The following AKAP6 variants were observed in gnomAD, a reference collection of about 807,000 sequenced individuals.
The protein encoded by AKAP6 is A-kinase anchor protein 6.
A neutral mutation model predicts 188.5 loss-of-function variants in AKAP6; 58 were observed. The observed-to-expected ratio is 0.31, with a 90% CI of 0.25 to 0.38. The LOEUF (loss-of-function observed/expected upper bound fraction) is 0.38, where lower values mean the gene tolerates loss of function less well. AKAP6 is among the 10% of genes least tolerant of loss of function. The probability of loss-of-function intolerance (pLI) is 1.00; values close to 1 mark genes in which losing one functional copy is unlikely to be tolerated. For synonymous variants in AKAP6, 989 were observed against 998.6 expected, an observed-to-expected ratio of 0.99 and a Z score of 0.18; for missense variants, 2,710 against 2,740.0, an observed-to-expected ratio of 0.99 and a Z score of 0.24.
At chr14:32,698,817 C>T (rs557537538) in intron 9 of AKAP6, among the ~76,000 whole-genome samples, 3 of 152,308 alleles carry the variant, frequency 2.0e-5, no homozygotes, top group Middle Eastern at 3.4e-3. Context: ...AAATGAAGCT[C>T]ATCATCCCTA....
intron 8 of AKAP6, chr14:32,693,296 C>T (rs544373402): frequency 6.6e-6 from 1 of 152,324 alleles, no homozygotes; most frequent in South Asian, 2.1e-4. Flanking sequence ...ACCCTGCCAA[C>T]TCTCTGTGGT....
chr14:32,650,538 G>A (rs1888173503), intron 7 of AKAP6, among the ~76,000 whole-genome samples: 1 of 152,140 alleles, frequency 6.6e-6, no homozygotes, highest in African/African-American at 2.4e-5. Context: ...TTGAACTTGG[G>A]AGGTGGAGAT....
rs2034806991 is a variant in AKAP6 at position 32,830,844 on chromosome 14, T to C, written c.*1039T>C. 6.5e-5 allele frequency: 10 copies of C among 152,738 alleles called. 1 individual carries two copies. The South Asian group carries it at 2.1e-3, about 32-fold the overall frequency. 9.5% of individuals were successfully genotyped at this position (152,738 alleles called of 1,614,324 possible). ...TAGTGATCTCTTCTACTATGTTCTT[T>C]ACCAAATTGTTGCATCTGGTTCTGA... On this transcript the variant is annotated 3_prime_UTR_variant, in exon 14 of 14. Coordinates refer to ENST00000280979, the MANE Select transcript of AKAP6 (RefSeq NM_004274.5).
chr14:32,819,915 T>G (rs2034476698), intron 12 of AKAP6, among the ~76,000 whole-genome samples: 1 of 152,034 alleles, frequency 6.6e-6, no homozygotes, highest in Non-Finnish European at 1.5e-5. Context: ...ACTACTGCAC[T>G]CCAGCCTGAG....
At chr14:32,826,778 C>A (rs915414984) in intron 13 of AKAP6, among the ~76,000 whole-genome samples, 3 of 152,094 alleles carry the variant, frequency 2.0e-5, no homozygotes, top group Non-Finnish European at 4.4e-5. Flanking sequence ...ATCTGTGTAA[C>A]CCTCACATTT....
At chr14:32,765,319 T>C (rs1001038151) in intron 11 of AKAP6, among the ~76,000 whole-genome samples, 2 of 152,218 alleles carry the variant, frequency 1.3e-5, no homozygotes, top group African/African-American at 2.4e-5. Flanking sequence ...CGACTCAGAA[T>C]GATCTTTGGT....
intron 7 of AKAP6, among the ~76,000 whole-genome samples, chr14:32,601,140 A>G (rs1189627535): frequency 6.6e-6 from 1 of 152,234 alleles, no homozygotes; most frequent in East Asian, 1.9e-4. Flanking sequence ...TTGCAACTAT[A>G]AATCACTATA....
chr14:32,488,016 C>T (rs1879797197), intron 2 of AKAP6, among the ~76,000 whole-genome samples: 1 of 152,208 alleles, frequency 6.6e-6, no homozygotes, highest in African/African-American at 2.4e-5. Flanking sequence ...CAGGGACCCA[C>T]TTGAGGAGGC....
intron 1 of AKAP6, among the ~76,000 whole-genome samples, chr14:32,343,666 T>C: frequency 7.3e-6 from 1 of 137,818 alleles, no homozygotes; most frequent in East Asian, 2.3e-4. Flanking sequence ...GAGAATGGCG[T>C]GAACCCGGAA....
chr14:32,669,655 A>C (rs554261595), intron 7 of AKAP6, among the ~76,000 whole-genome samples: 2 of 152,326 alleles, frequency 1.3e-5, no homozygotes, highest in East Asian at 3.9e-4. Flanking sequence ...GACATACCCA[A>C]GACTGAATAA....
intron 1 of AKAP6, among the ~76,000 whole-genome samples, chr14:32,429,438 T>A (rs949865477): frequency 1.3e-5 from 2 of 152,178 alleles, no homozygotes; most frequent in Admixed American, 6.5e-5. Context: ...GAAGCATTTT[T>A]AAAAAATTAT....
At chr14:32,674,724 G>T (rs1228442403) in intron 7 of AKAP6, among the ~76,000 whole-genome samples, 1 of 152,178 alleles carries the variant, frequency 6.6e-6, no homozygotes, top group Non-Finnish European at 1.5e-5. Context: ...GCGATGTCAG[G>T]TGATTGGAGG....
chr14:32,623,146 C>T (rs1412558731), intron 7 of AKAP6, among the ~76,000 whole-genome samples: 2 of 152,102 alleles, frequency 1.3e-5, no homozygotes, highest in East Asian at 1.9e-4. Flanking sequence ...TTTTAAGCTC[C>T]AGCATTAAAC....
chr14:32,711,053 A>G (rs933797087), intron 9 of AKAP6, among the ~76,000 whole-genome samples: 1 of 152,072 alleles, frequency 6.6e-6, no homozygotes, highest in Non-Finnish European at 1.5e-5. Flanking sequence ...AATCCCTGGT[A>G]TAAATAATAA....
At chr14:32,730,145 A>G (rs954911546) in intron 9 of AKAP6, among the ~76,000 whole-genome samples, 3 of 152,182 alleles carry the variant, frequency 2.0e-5, no homozygotes. Flanking sequence ...ATATGCTTCA[A>G]AAATTAAAAT....
intron 1 of AKAP6, among the ~76,000 whole-genome samples, chr14:32,413,426 C>G (rs1473751399): frequency 6.6e-6 from 1 of 151,984 alleles, no homozygotes; most frequent in Non-Finnish European, 1.5e-5. Flanking sequence ...CAAGTGATCT[C>G]CTGCCTTTGT....
intron 9 of AKAP6, 93 bp from the exon 10 acceptor site, chr14:32,732,361 T>C: frequency 1.4e-6 from 2 of 1,431,096 alleles, no homozygotes; most frequent in Admixed American, 2.4e-5. Flanking sequence ...ACAAAAACTT[T>C]TAATGCTCGT....
intron 1 of AKAP6, among the ~76,000 whole-genome samples, chr14:32,330,774 G>T (rs938396719): frequency 7.8e-6 from 1 of 128,746 alleles, no homozygotes; most frequent in African/African-American, 3.0e-5. Flanking sequence ...GTCCCATTAG[G>T]CACCAGCCAG....
rs147594310 is a variant in AKAP6, at chr14:32,731,475, T to C, written c.3001-979T>C. The stretch of plus-strand genomic sequence containing the variant: ...GCTTATCTTAGGGCACCGTTGGTCA[T>C]GTAGGGCAAAAGAACAAAATACTAC... On this transcript the variant is annotated intron_variant, in intron 9 of 13. Transcript: ENST00000280979. Among the ~76,000 whole-genome samples the C allele has an allele frequency of 7.9e-5, 12 of 152,200 alleles. No homozygotes were observed. In the East Asian group the frequency reaches 2.3e-3, roughly 29 times the overall value.
Sources: gnomAD v4.1 joint callset for allele counts (sites outside exome capture counted in the v4.1 genomes callset) on GRCh38, gnomAD v4.1.1 for gene constraint, MANE v1.5 for transcripts, NCBI Gene and HGNC (gene_info 2026-07-23, HGNC 2026-07-21) for gene names.